KIAA0513: variants seen among roughly 807,000 people sequenced by gnomAD.
The protein encoded by KIAA0513 is uncharacterized protein KIAA0513.
KIAA0513 carries 39 observed loss-of-function variants against 56.5 expected under a neutral mutation model. The ratio of observed to expected loss-of-function variants is 0.69; its 90% CI spans 0.53 to 0.90. KIAA0513 has a LOEUF of 0.90. Ranked by LOEUF, KIAA0513 falls within the 40% of genes least tolerant of loss-of-function variation. The probability of loss-of-function intolerance (pLI) is 0.00; values close to 1 mark genes in which losing one functional copy is unlikely to be tolerated. For synonymous variants in KIAA0513, 268 were observed against 215.6 expected (o/e 1.24, Z -2.13); for missense variants, 591 against 535.2 (o/e 1.10, Z -1.03).
At chr16:85,054,860 G>T (rs2073306043) in intron 1 of KIAA0513, among the ~76,000 whole-genome samples, 1 of 152,164 alleles carries the variant, frequency 6.6e-6, no homozygotes, top group Non-Finnish European at 1.5e-5. Context: ...GGTGGTGGCT[G>T]CATGGACGTA....
Position 85,081,606 on chromosome 16 carries a change from G to A in KIAA0513, c.980+214G>A, listed in dbSNP as rs1285465775. Among the ~76,000 whole-genome samples, 1 of 152,072 alleles carries A rather than the reference G, an allele frequency of 6.6e-6. No homozygotes were observed. Among genetic ancestry groups the A allele is most frequent in the Non-Finnish European group, 1.5e-5 (1 of 68,020 alleles). On this transcript the variant is annotated intron_variant, in intron 9 of 12. Coordinates refer to ENST00000683363, the MANE Select transcript of KIAA0513 (RefSeq NM_001388359.1). This position sits in a 1 kb window ranked among gnomAD's most constrained non-coding sequence, Gnocchi z 4.4. The stretch of plus-strand genomic sequence containing the variant: ...GCTTGCATGAGCGCTTTCTGTCCTG[G>A]GGCTCTGGCATGACTTGGCCTGACC...
intron 1 of KIAA0513, among the ~76,000 whole-genome samples, chr16:85,059,682 C>T (rs2073376928): frequency 6.6e-6 from 1 of 152,186 alleles, no homozygotes; most frequent in African/African-American, 2.4e-5. Context: ...TAGTGCTGCA[C>T]TTTGAAAGGT....
At chr16:85,074,644 G>T (rs2073630675) in intron 4 of KIAA0513, among the ~76,000 whole-genome samples, 2 of 152,152 alleles carry the variant, frequency 1.3e-5, no homozygotes, top group Non-Finnish European at 2.9e-5. Flanking sequence ...CCCCTCTGAG[G>T]TCTGGCCTTC....
intron 9 of KIAA0513, 85 bp from the exon 10 acceptor site, chr16:85,082,479 C>G: frequency 7.4e-7 from 1 of 1,347,770 alleles, no homozygotes; most frequent in South Asian, 1.2e-5. Context: ...AATAACCCTC[C>G]TCTGCTTGTT....
At chr16:85,028,382 G>A (rs1012515622) in intron 1 of KIAA0513, among the ~76,000 whole-genome samples, 10 of 152,330 alleles carry the variant, frequency 6.6e-5, no homozygotes, top group African/African-American at 2.4e-4. Flanking sequence ...CCGGGGCTTA[G>A]CAGGGTGGGG....
At chr16:85,069,914 C>T (rs759674530) in intron 2 of KIAA0513, among the ~76,000 whole-genome samples, 1 of 151,966 alleles carries the variant, frequency 6.6e-6, no homozygotes, top group Non-Finnish European at 1.5e-5. Context: ...CCTGTATTCC[C>T]AACACTTTGG....
In KIAA0513 at chr16:85,087,663, T is replaced by TG. The variant is rs1304345965; in HGVS notation, c.1186+502dup. Among the ~76,000 whole-genome samples the TG allele has an allele frequency of 2.0e-5, 3 of 152,230 alleles. No individual in the cohort carries two copies. The East Asian group carries it at 5.8e-4, about 29-fold the overall frequency. ...GCTGTGACATTGGCGCCCCCCTTGC[T>TG]GGGGGCCCGTCCCTGTGTGCCCCCG... is the stretch of plus-strand genomic sequence containing the variant. On this transcript the variant is annotated intron_variant, in intron 12 of 12. Coordinates refer to ENST00000683363, the MANE Select transcript of KIAA0513 (RefSeq NM_001388359.1).
intron 1 of KIAA0513, among the ~76,000 whole-genome samples, chr16:85,051,133 G>A (rs2073247048): frequency 6.6e-6 from 1 of 152,052 alleles, no homozygotes; most frequent in Non-Finnish European, 1.5e-5. Flanking sequence ...GCGACAGAGT[G>A]AGACCCTGTC....
rs2073740570 is a variant in KIAA0513 at position 85,081,290 on chromosome 16, G to C, written c.903-25G>C. On this transcript the variant is annotated intron_variant, in intron 8 of 12. Coordinates refer to ENST00000683363, the MANE Select transcript of KIAA0513 (RefSeq NM_001388359.1). This position sits in a 1 kb window ranked among gnomAD's most constrained non-coding sequence, Gnocchi z 4.4. ...TCCTCCCCGCCTCCCCTTGGAGAGA[G>C]TGTGACTGGGGCTCTGTCTTGCAGG... 3 of 1,612,114 alleles carry C rather than the reference G, an allele frequency of 1.9e-6. No individual in the cohort carries two copies. Among genetic ancestry groups the C allele is most frequent in the Admixed American group, 1.7e-5 (1 of 59,984 alleles).
Position 85,075,829 on chromosome 16 carries a change from T to C in KIAA0513, c.504-15T>C, listed in dbSNP as rs2073647992. 1 of 1,613,854 alleles carries C rather than the reference T, an allele frequency of 6.2e-7. No individual in the cohort carries two copies. The highest frequency in any genetic ancestry group is 1.7e-5 in the Admixed American group (1 of 60,006). Reference sequence around the variant, plus strand: ...TGGAGCGATCTTTAGCCATGAGCCTTGCCTCTTGTTTCAGGTGTCATCAGA... The same window carrying C: ...TGGAGCGATCTTTAGCCATGAGCCTCGCCTCTTGTTTCAGGTGTCATCAGA... On this transcript the variant is annotated splice_polypyrimidine_tract_variant and intron_variant, in intron 4 of 12. Coordinates refer to ENST00000683363, the MANE Select transcript of KIAA0513 (RefSeq NM_001388359.1).
rs141104255 is a variant in KIAA0513, at chr16:85,067,186, G to A, written c.115G>A (p.Gly39Arg). 4.2e-5 allele frequency: 68 copies of A among 1,614,046 alleles called. 1 individual carries two copies. The African/African-American group carries it at 6.7e-4, about 16-fold the overall frequency. Residue 39 changes from glycine (G) to arginine (R), a missense_variant, in exon 2 of 13, where the codon GGG becomes AGG. Coordinates refer to ENST00000683363, the MANE Select transcript of KIAA0513 (RefSeq NM_001388359.1). ...GCTGCAGGACGGCGATGGCTCCCTG[G>A]GGGACGGTGCATCAGAGAGTGAGAC... is the stretch of plus-strand genomic sequence containing the variant. The part of the protein sequence containing the change: ...PVLQDGDGSL[G>R]DGASESETTE...
In KIAA0513 at chr16:85,088,586, C is replaced by A; in HGVS notation, c.*261C>A. ...GAGGTGACCAGTTGTACCCCGAGTG[C>A]CAGGCTTGTGAGATGAGACCAAGAG... On this transcript the variant is annotated 3_prime_UTR_variant, in exon 13 of 13. Transcript: ENST00000683363. 1 of 495,570 alleles carries A rather than the reference C, an allele frequency of 2.0e-6. No individual in the cohort carries two copies. The highest frequency in any genetic ancestry group is 3.7e-6 in the Non-Finnish European group (1 of 273,814). The allele number at this position is 495,570 out of a possible 1,614,324, so 30.7% of individuals were successfully genotyped here.
At chr16:85,034,374 C>G (rs55842314) in intron 1 of KIAA0513, among the ~76,000 whole-genome samples, 2,147 of 152,126 alleles carry the variant, frequency 0.014, 57 homozygotes, top group African/African-American at 0.05. Context: ...GAGGGAAGCT[C>G]CATCTCAATA....
intron 1 of KIAA0513, among the ~76,000 whole-genome samples, chr16:85,043,279 T>C (rs1032323841): frequency 6.6e-6 from 1 of 151,956 alleles, no homozygotes; most frequent in African/African-American, 2.4e-5. Context: ...CTTACCCAGG[T>C]ACACACCACA....
chr16:85,063,164 A>T (rs1400551138), intron 1 of KIAA0513: 1 of 152,178 alleles, frequency 6.6e-6, no homozygotes, highest in Non-Finnish European at 1.5e-5. Context: ...GGCACCCAGC[A>T]CTCAGGGCTT....
chr16:85,084,309 G>A (rs1482104217), intron 10 of KIAA0513, among the ~76,000 whole-genome samples: 6 of 148,060 alleles, frequency 4.1e-5, no homozygotes, highest in Non-Finnish European at 8.9e-5. Context: ...ACAGTGGTGC[G>A]ATCTCGGCTC....
intron 3 of KIAA0513, 73 bp downstream of exon 3, chr16:85,071,955 CTTTAT>C: frequency 1.0e-6 from 1 of 1,004,356 alleles, no homozygotes; most frequent in Non-Finnish European, 1.6e-6. Flanking sequence ...ACAAATTTGA[CTTTAT>C]CCTACAATGA....
At chr16:85,067,660 C>G (rs2144016948) in intron 2 of KIAA0513, among the ~76,000 whole-genome samples, 1 of 152,286 alleles carries the variant, frequency 6.6e-6, no homozygotes, top group Non-Finnish European at 1.5e-5. Context: ...TGAGGCCCAG[C>G]ATCAAAGTAT....
At chr16:85,067,561 C>G (rs1488152713) in intron 2 of KIAA0513, among the ~76,000 whole-genome samples, 161 bp downstream of exon 2, 2 of 152,202 alleles carry the variant, frequency 1.3e-5, no homozygotes, top group Non-Finnish European at 2.9e-5. Context: ...TCACTCCACT[C>G]CAGGCTGCAT....
Sources: allele counts gnomAD v4.1 joint callset (sites outside exome capture counted in the v4.1 genomes callset), GRCh38; gene constraint gnomAD v4.1.1; non-coding constraint Gnocchi (gnomAD v3.1); transcripts MANE v1.5; gene names NCBI Gene and HGNC (gene_info 2026-07-23, HGNC 2026-07-21).